The following FAM228A variants were observed in gnomAD, a reference collection of about 807,000 sequenced individuals.
FAM228A encodes protein FAM228A.
A neutral mutation model predicts 18.6 loss-of-function variants in FAM228A; 13 were observed. The ratio of observed to expected loss-of-function variants is 0.70; its 90% CI spans 0.45 to 1.11. The LOEUF is 1.11. FAM228A is among the 50% of genes least tolerant of loss of function. FAM228A has a pLI of 0.00. For missense variants in FAM228A, 240 were observed against 242.2 expected (o/e 0.99, Z 0.06); for synonymous variants, 77 against 86.6 (o/e 0.89, Z 0.61).
chr2:24,175,610 G>T (rs753706949), intron 2 of FAM228A, 37 bp downstream of exon 2: 10 of 1,487,660 alleles, frequency 6.7e-6, no homozygotes, highest in Non-Finnish European at 4.7e-6. Flanking sequence ...TCATTTTGGC[G>T]GGGGGACCCC....
intron 3 of FAM228A, among the ~76,000 whole-genome samples, chr2:24,182,583 C>G (rs549994762): frequency 2.0e-5 from 3 of 152,250 alleles, no homozygotes; most frequent in African/African-American, 7.2e-5. Context: ...GGTCACCTGA[C>G]CCTCTGTTCT....
At chr2:24,184,652 T>G (rs1324858850) in intron 5 of FAM228A, among the ~76,000 whole-genome samples, 1 of 152,176 alleles carries the variant, frequency 6.6e-6, no homozygotes, top group African/African-American at 2.4e-5. Flanking sequence ...GTATTTTCGT[T>G]TCCACAATCC....
At chr2:24,177,763 T>G in intron 2 of FAM228A, 39 bp from the exon 3 acceptor site, 1 of 1,208,394 alleles carries the variant, frequency 8.3e-7, no homozygotes, top group Non-Finnish European at 1.2e-6. Flanking sequence ...GTTTGTTTCT[T>G]CAGGATTCAC....
chr2:24,189,113 C>T (rs78907697), intron 5 of FAM228A, among the ~76,000 whole-genome samples: 3,468 of 152,252 alleles, frequency 0.023, 50 homozygotes, highest in Non-Finnish European at 0.035. Context: ...CCCTCTGGCT[C>T]CTCCGCTGGT....
At chr2:24,187,005 TAG>T (rs1431185196) in intron 5 of FAM228A, among the ~76,000 whole-genome samples, 2 of 152,208 alleles carry the variant, frequency 1.3e-5, no homozygotes, top group Non-Finnish European at 2.9e-5. Flanking sequence ...GCACTGAATG[TAG>T]AGAGTGCAAC....
At position 24,190,514 on chromosome 2, in the gene FAM228A, GCT is replaced by G. The variant is rs773135133; in HGVS notation, c.506_507del (p.Leu169GlnfsTer8). 1 of 1,614,148 alleles carries G rather than the reference GCT, an allele frequency of 6.2e-7. No individual in the cohort carries two copies. Among genetic ancestry groups the G allele is most frequent in the Non-Finnish European group, 8.5e-7 (1 of 1,180,030 alleles). On this transcript the variant is annotated frameshift_variant, in exon 6 of 6. Coordinates refer to ENST00000295150, the MANE Select transcript of FAM228A (RefSeq NM_001040710.3). LOFTEE classifies it low-confidence loss of function (END_TRUNC). ...TTGAAAGGCAGTTCCTTTCCTCAAA[GCT>G]CAGCCAGAAGAACAAAGTGGGTGAA... ...AFERQFLSSKLSQKNKVGERK... is the reference protein window; with the variant it reads ...AFERQFLSSKXSQKNKVGERK...
Position 24,183,379 on chromosome 2 carries a change from T to G in FAM228A, c.250+7T>G. 1 of 1,612,990 alleles carries G rather than the reference T, an allele frequency of 6.2e-7. No homozygotes were observed. Reference sequence around the variant, plus strand: ...GGTCTTCAGTGTGAGACAGGTGCTTTGTGATCACTGGGCCTCATTTTTTTG... The same window carrying G: ...GGTCTTCAGTGTGAGACAGGTGCTTGGTGATCACTGGGCCTCATTTTTTTG... On this transcript the variant is annotated splice_region_variant and intron_variant, in intron 4 of 5. Coordinates refer to ENST00000295150, the MANE Select transcript of FAM228A (RefSeq NM_001040710.3).
intron 3 of FAM228A, among the ~76,000 whole-genome samples, 188 bp from the exon 4 acceptor site, chr2:24,183,097 G>A (rs1364463133): frequency 6.6e-6 from 1 of 152,130 alleles, no homozygotes; most frequent in Non-Finnish European, 1.5e-5. Flanking sequence ...AGGTTGGGGT[G>A]CAATTGAATC....
chr2:24,184,431 G>A (rs902492861), intron 5 of FAM228A, among the ~76,000 whole-genome samples: 7 of 151,616 alleles, frequency 4.6e-5, no homozygotes, highest in African/African-American at 1.7e-4. Context: ...ATCTGTTGAG[G>A]GTTTGTACAT....
intron 5 of FAM228A, chr2:24,188,386 T>C (rs1340298899): frequency 1.0e-6 from 1 of 975,358 alleles, no homozygotes; most frequent in East Asian, 1.1e-4. Context: ...TTTTTCCTAA[T>C]GCTCTCCCTT....
intron 3 of FAM228A, among the ~76,000 whole-genome samples, chr2:24,178,750 A>G (rs753467370): frequency 6.6e-6 from 1 of 152,140 alleles, no homozygotes; most frequent in Admixed American, 6.5e-5. Context: ...TTTGTCCCAG[A>G]CTTTCCTGAT....
Position 24,177,808 on chromosome 2 carries a change from G to T in FAM228A, c.100G>T (p.Ala34Ser). The change falls in exon 3 of 6, where the codon GCT (alanine) becomes TCT (serine). Residue 34 changes from alanine (A) to serine (S), a missense_variant. Physicochemically the swap from Ala to Ser is moderately conservative, Grantham distance 99 (BLOSUM62 1). Coordinates refer to ENST00000295150, the MANE Select transcript of FAM228A (RefSeq NM_001040710.3). Reference protein sequence around the residue: ...PESVSLMEVLAREDIDEAVCA... With the variant: ...PESVSLMEVLSREDIDEAVCA... ...TTCAATTCTGTAATTTTAGGTATTA[G>T]CTAGAGAAGACATTGATGAAGCAGT... 6.4e-7 allele frequency: 1 copy of T among 1,566,086 alleles called. No homozygotes were observed. Among genetic ancestry groups the T allele is most frequent in the Non-Finnish European group, 8.8e-7 (1 of 1,139,622 alleles).
At position 24,183,501 on chromosome 2, in the gene FAM228A, G is replaced by C. The variant is rs374795794; in HGVS notation, c.257G>C (p.Arg86Pro). ...RTGLQCETGK[R>P]HSIKELEEIE... ...ATTTTTTATCTTCCTGTAGGAAAAC[G>C]ACATTCCATAAAAGAACTTGAAGAA... Residue 86 changes from arginine to proline, a missense_variant, in exon 5 of 6, where the codon CGA becomes CCA. By Grantham distance (103) the Arg-to-Pro change is moderately radical (BLOSUM62 -2). Transcript: ENST00000295150. 19 of 1,610,094 alleles carry C rather than the reference G, an allele frequency of 1.2e-5. No homozygotes were observed. Among genetic ancestry groups the C allele is most frequent in the Non-Finnish European group, 1.6e-5 (19 of 1,178,504 alleles).
intron 2 of FAM228A, 45 bp downstream of exon 2, chr2:24,175,618 C>T (rs1558401485): frequency 5.6e-6 from 8 of 1,430,826 alleles, no homozygotes; most frequent in Non-Finnish European, 7.9e-6. Context: ...GCGGGGGGAC[C>T]CCTCGAGTTT....
chr2:24,190,343 C>A, intron 5 of FAM228A, 69 bp from the exon 6 acceptor site: 1 of 1,473,136 alleles, frequency 6.8e-7, no homozygotes, highest in African/African-American at 1.4e-5. Context: ...CATTAATCTT[C>A]GGAAACTATT....
intron 3 of FAM228A, among the ~76,000 whole-genome samples, chr2:24,182,720 T>C (rs1667844371): frequency 6.6e-6 from 1 of 152,050 alleles, no homozygotes; most frequent in African/African-American, 2.4e-5. Flanking sequence ...TGTCACTGGA[T>C]GACTAGGCTG....
chr2:24,189,165 C>T (rs1668024963), intron 5 of FAM228A, among the ~76,000 whole-genome samples: 1 of 152,102 alleles, frequency 6.6e-6, no homozygotes, highest in South Asian at 2.1e-4. Flanking sequence ...ATTTTTCGCC[C>T]AGCAGCCAGA....
chr2:24,188,285 T>C (rs181920894), intron 5 of FAM228A, among the ~76,000 whole-genome samples: 2 of 152,330 alleles, frequency 1.3e-5, no homozygotes, highest in East Asian at 3.9e-4. Flanking sequence ...CTGGCATACA[T>C]GTGCAGATTG....
At chr2:24,190,271 G>A in intron 5 of FAM228A, 141 bp from the exon 6 acceptor site, 3 of 1,054,052 alleles carry the variant, frequency 2.8e-6, no homozygotes, top group East Asian at 2.8e-5. Flanking sequence ...GCAGATTGAG[G>A]GACAGCCACC....
Sources: gnomAD v4.1 joint callset for allele counts (sites outside exome capture counted in the v4.1 genomes callset) on GRCh38, gnomAD v4.1.1 for gene constraint, MANE v1.5 for transcripts, NCBI Gene and HGNC (gene_info 2026-07-23, HGNC 2026-07-21) for gene names.